Variants in PRKAR1A observed in about 807,000 individuals in gnomAD.
PRKAR1A encodes protein kinase cAMP-dependent type I regulatory subunit alpha.
Under a neutral mutation model 52.0 loss-of-function variants are expected in PRKAR1A, and 3 were observed. That is an observed-to-expected ratio of 0.06 (90% CI 0.03 to 0.15). The LOEUF is 0.15. Among genes scored for constraint, PRKAR1A ranks in the 10% least tolerant of loss-of-function variants. The pLI is 1.00. For synonymous variants in PRKAR1A, 188 were observed against 168.4 expected (o/e 1.12, Z -0.90); for missense variants, 240 against 477.4 (o/e 0.50, Z 4.63).
At chr17:68,464,134 C>A in the PRKAR1A span, among the ~76,000 whole-genome samples, 1 of 152,314 alleles carries the variant, frequency 6.6e-6, no homozygotes, top group Non-Finnish European at 1.5e-5. Flanking sequence ...CTGTGTTTAA[C>A]CCAAGGCCAC....
chr17:68,456,661 G>A, the PRKAR1A span, among the ~76,000 whole-genome samples: 1 of 152,218 alleles, frequency 6.6e-6, no homozygotes, highest in African/African-American at 2.4e-5. Flanking sequence ...TGGAGAGAAA[G>A]CAGTCTGCGC....
chr17:68,523,850 A>T (rs369166352), intron 4 of PRKAR1A, 34 bp downstream of exon 4: 54 of 1,604,206 alleles, frequency 3.4e-5, no homozygotes, highest in Non-Finnish European at 4.3e-5. Context: ...ACTATTTTTC[A>T]AGTAAGGGTG....
the PRKAR1A span, among the ~76,000 whole-genome samples, chr17:68,497,666 G>C: frequency 6.6e-6 from 1 of 152,110 alleles, no homozygotes; most frequent in African/African-American, 2.4e-5. Context: ...GAACAAGGAT[G>C]ATGCTCTTAT....
At chr17:68,499,884 A>G in the PRKAR1A span, among the ~76,000 whole-genome samples, 1 of 152,148 alleles carries the variant, frequency 6.6e-6, no homozygotes, top group Non-Finnish European at 1.5e-5. Context: ...ACGACTTTTG[A>G]CTAACTGACC....
the PRKAR1A span, among the ~76,000 whole-genome samples, chr17:68,426,737 G>A: frequency 3.9e-5 from 6 of 152,130 alleles, no homozygotes; most frequent in Non-Finnish European, 8.8e-5. Context: ...GTTTCACCAT[G>A]TTGGCTAGGC....
rs1381074166 is a variant in PRKAR1A, at chr17:68,533,021, T to C, written c.*2572T>C. On this transcript the variant is annotated 3_prime_UTR_variant, in exon 11 of 11. Coordinates refer to ENST00000589228, the MANE Select transcript of PRKAR1A (RefSeq NM_002734.5). Reference sequence around the variant, plus strand: ...GAAAGAAAAAAATTCAGTCAAAAGCTAAAGATTTCCTTTTGATTGAAGACA... The same window carrying C: ...GAAAGAAAAAAATTCAGTCAAAAGCCAAAGATTTCCTTTTGATTGAAGACA... 1.9e-6 allele frequency: 2 copies of C among 1,065,786 alleles called. No individual in the cohort carries two copies. Among genetic ancestry groups the C allele is most frequent in the African/African-American group, 1.6e-5 (1 of 61,116 alleles). The allele number at this position is 1,065,786 out of a possible 1,614,324, so 66.0% of individuals were successfully genotyped here.
At position 68,532,136 on chromosome 17, in the gene PRKAR1A, T is replaced by C. The variant is rs986574420; in HGVS notation, c.*1687T>C. The C allele has an allele frequency of 1.9e-4, 197 of 1,057,194 alleles. No individual in the cohort carries two copies. The highest frequency in any genetic ancestry group is 2.1e-4 in the Non-Finnish European group (180 of 871,828). 65.5% of individuals were successfully genotyped at this position (1,057,194 alleles called of 1,614,324 possible). A position where few individuals can be genotyped will look rare whatever the true frequency, so the allele number is the denominator to read the frequency against. ...CCACCTTGTTACAAATTTTTTAATT[T>C]CCAAAATAATCTATATTAAATGAGG... On this transcript the variant is annotated 3_prime_UTR_variant, in exon 11 of 11. Coordinates refer to ENST00000589228, the MANE Select transcript of PRKAR1A (RefSeq NM_002734.5).
intron 11 of PRKAR1A, chr17:68,542,240 C>A: frequency 6.6e-7 from 1 of 1,517,096 alleles, no homozygotes; most frequent in African/African-American, 1.4e-5. Flanking sequence ...CCTAGGAAAT[C>A]CACTGGGAGG....
At chr17:68,495,047 G>T in the PRKAR1A span, among the ~76,000 whole-genome samples, 5 of 151,958 alleles carry the variant, frequency 3.3e-5, no homozygotes, top group Admixed American at 6.6e-5. Context: ...TATATCTCAG[G>T]CTCTTTTTTT....
chr17:68,532,073 G>T lies in PRKAR1A; in HGVS notation c.*1624G>T. ...ACCAAGTATGAAGTATAAATCTGGG[G>T]AAGAGGTTTTATTTACATTTTAGGG... On this transcript the variant is annotated 3_prime_UTR_variant, in exon 11 of 11. Transcript: ENST00000589228. The T allele has an allele frequency of 9.4e-7, 1 of 1,065,288 alleles. No individual in the cohort carries two copies. Among genetic ancestry groups the T allele is most frequent in the Non-Finnish European group, 1.1e-6 (1 of 879,040 alleles). 66.0% of individuals were successfully genotyped at this position (1,065,288 alleles called of 1,614,324 possible).
At chr17:68,546,040 A>G (rs2086540995) in intron 11 of PRKAR1A, among the ~76,000 whole-genome samples, 1 of 150,742 alleles carries the variant, frequency 6.6e-6, no homozygotes, top group Non-Finnish European at 1.5e-5. Flanking sequence ...ATGGTGGCGC[A>G]TGCCTGTAGT....
In PRKAR1A at chr17:68,531,324, G is replaced by T; in HGVS notation, c.*875G>T. Reference sequence around the variant, plus strand: ...CTTGGTTGTTAATTTAGAGCGTTTGGTTAAAGTATGTCCTTCAGCTGACTC... The same window carrying T: ...CTTGGTTGTTAATTTAGAGCGTTTGTTTAAAGTATGTCCTTCAGCTGACTC... On this transcript the variant is annotated 3_prime_UTR_variant, in exon 11 of 11. Transcript: ENST00000589228. The T allele has an allele frequency of 9.4e-7, 1 of 1,066,006 alleles. No individual in the cohort carries two copies. Among genetic ancestry groups the T allele is most frequent in the Middle Eastern group, 4.2e-4 (1 of 2,400 alleles). The allele number at this position is 1,066,006 out of a possible 1,614,324, so 66.0% of individuals were successfully genotyped here.
At chr17:68,509,322 C>G (rs1419007908), upstream of PRKAR1A, among the ~76,000 whole-genome samples, 1 of 152,130 alleles carries the variant, frequency 6.6e-6, no homozygotes, top group Non-Finnish European at 1.5e-5. Context: ...GTCACCACAT[C>G]TGGCTAATTT....
chr17:68,415,930 G>C, the PRKAR1A span, among the ~76,000 whole-genome samples: 1 of 152,148 alleles, frequency 6.6e-6, no homozygotes, highest in Non-Finnish European at 1.5e-5. Context: ...TGAGTCTCCC[G>C]AAGGCAGCAG....
downstream of PRKAR1A, chr17:68,537,582 C>A (rs1294183071): frequency 1.2e-6 from 2 of 1,613,506 alleles, no homozygotes; most frequent in East Asian, 4.5e-5. The surrounding 1 kb of genome is among the most constrained non-coding windows in gnomAD (Gnocchi z 4.2). Context: ...CCTCCACTGT[C>A]CTTAGGATGG....
the PRKAR1A span, among the ~76,000 whole-genome samples, chr17:68,475,643 T>C: frequency 1.3e-5 from 2 of 152,136 alleles, no homozygotes; most frequent in Admixed American, 1.3e-4. Context: ...TTTGTATTTT[T>C]AGTAGAGACG....
downstream of PRKAR1A, chr17:68,535,404 G>T (rs1182452772): frequency 2.2e-6 from 1 of 454,122 alleles, no homozygotes; most frequent in Non-Finnish European, 4.4e-6. Flanking sequence ...GAGGTGGCGG[G>T]TTTTGAGGTA....
At chr17:68,457,413 G>A in the PRKAR1A span, 1 of 1,506,604 alleles carries the variant, frequency 6.6e-7, no homozygotes, top group South Asian at 1.2e-5. Context: ...CCGCGGCCTC[G>A]GCCTCCATCG....
chr17:68,541,106 G>C, intron 11 of PRKAR1A: 1 of 1,204,614 alleles, frequency 8.3e-7, no homozygotes, highest in Non-Finnish European at 1.2e-6. Flanking sequence ...AAAGGCCCTG[G>C]GCAAGGACGC....
Sources: gnomAD v4.1 joint callset for allele counts (sites outside exome capture counted in the v4.1 genomes callset) on GRCh38, gnomAD v4.1.1 for gene constraint, Gnocchi (gnomAD v3.1) non-coding constraint, MANE v1.5 for transcripts, NCBI Gene and HGNC (gene_info 2026-07-23, HGNC 2026-07-21) for gene names.